TAFA1: variants seen among roughly 807,000 people sequenced by gnomAD.
The protein encoded by TAFA1 is chemokine-like protein TAFA-1.
Under a neutral mutation model 18.5 loss-of-function variants are expected in TAFA1, and 4 were observed. That is an observed-to-expected ratio of 0.22 (90% CI 0.11 to 0.49). The LOEUF is 0.49. Ranked by LOEUF, TAFA1 falls within the 20% of genes least tolerant of loss-of-function variation. TAFA1 has a pLI of 0.98. For missense variants in TAFA1, 147 were observed against 169.0 expected (o/e 0.87, Z 0.72); for synonymous variants, 56 against 55.2 (o/e 1.01, Z -0.06).
chr3:68,042,229 AAACT>A (rs1393700853), intron 2 of TAFA1, among the ~76,000 whole-genome samples: 8 of 139,126 alleles, frequency 5.8e-5, no homozygotes, highest in African/African-American at 2.2e-4. Context: ...TATATTTGGG[AAACT>A]AAACAATATA....
intron 2 of TAFA1, among the ~76,000 whole-genome samples, chr3:68,016,548 G>A (rs1704574184): frequency 6.6e-6 from 1 of 152,156 alleles, no homozygotes; most frequent in South Asian, 2.1e-4. Context: ...GTGCTATACA[G>A]CTTGTAGCTT....
intron 2 of TAFA1, among the ~76,000 whole-genome samples, chr3:68,282,233 G>A (rs770099329): frequency 2.0e-5 from 3 of 152,164 alleles, no homozygotes; most frequent in Non-Finnish European, 4.4e-5. Flanking sequence ...AAATCAAGAT[G>A]AGATTTGGGT....
intron 2 of TAFA1, among the ~76,000 whole-genome samples, chr3:68,414,847 G>T (rs1047282226): frequency 6.6e-6 from 1 of 152,176 alleles, no homozygotes; most frequent in Non-Finnish European, 1.5e-5. Context: ...CATCCTGAGA[G>T]CTTTCATGTG....
At chr3:68,147,017 ATATGTGTG>A (rs1213237303) in intron 2 of TAFA1, among the ~76,000 whole-genome samples, 1 of 146,768 alleles carries the variant, frequency 6.8e-6, no homozygotes, top group Admixed American at 6.7e-5. Flanking sequence ...GTGTATATAT[ATATGTGTG>A]TGTGTGTGTG....
At chr3:68,260,381 A>T (rs1288220021) in intron 2 of TAFA1, among the ~76,000 whole-genome samples, 1 of 152,058 alleles carries the variant, frequency 6.6e-6, no homozygotes, top group African/African-American at 2.4e-5. Flanking sequence ...TTCATCAAGG[A>T]TATTGGTCTA....
intron 2 of TAFA1, among the ~76,000 whole-genome samples, chr3:68,370,286 CAAAAAAAAAAAAAAAA>C (rs71618234): frequency 2.8e-4 from 3 of 10,852 alleles, no homozygotes; most frequent in South Asian, 9.1e-3. Flanking sequence ...GACCCCATCT[CAAAAAAAAAAAAAAAA>C]AAAAAAAAAA....
At chr3:68,033,615 G>T (rs1187145609) in intron 2 of TAFA1, among the ~76,000 whole-genome samples, 1 of 152,056 alleles carries the variant, frequency 6.6e-6, no homozygotes, top group African/African-American at 2.4e-5. Flanking sequence ...ATATCAGTTT[G>T]TGATTTTCTG....
At chr3:68,477,938 A>T (rs980083175) in intron 3 of TAFA1, among the ~76,000 whole-genome samples, 2 of 152,200 alleles carry the variant, frequency 1.3e-5, no homozygotes, top group African/African-American at 2.4e-5. Flanking sequence ...ATCATCAGTA[A>T]CACAGAAATA....
chr3:68,087,308 TA>T (rs2064982209), intron 2 of TAFA1, among the ~76,000 whole-genome samples: 1 of 152,184 alleles, frequency 6.6e-6, no homozygotes, highest in Non-Finnish European at 1.5e-5. Context: ...AGATAATTAC[TA>T]TCAATATTTT....
intron 2 of TAFA1, among the ~76,000 whole-genome samples, chr3:68,041,093 A>G (rs1456629683): frequency 6.6e-6 from 1 of 152,238 alleles, no homozygotes; most frequent in Non-Finnish European, 1.5e-5. Context: ...TCTTATTTGC[A>G]ATTAATATGG....
intron 2 of TAFA1, among the ~76,000 whole-genome samples, chr3:68,191,058 G>A (rs1276505492): frequency 2.0e-5 from 3 of 151,756 alleles, no homozygotes; most frequent in Non-Finnish European, 4.4e-5. Flanking sequence ...CTGGTCTTGG[G>A]TGGGGACTTA....
chr3:68,534,328 G>A (rs1000708880), intron 3 of TAFA1, among the ~76,000 whole-genome samples: 2 of 152,114 alleles, frequency 1.3e-5, no homozygotes, highest in Non-Finnish European at 2.9e-5. Context: ...CCTGTTCCAA[G>A]CCCCTATTCT....
intron 3 of TAFA1, among the ~76,000 whole-genome samples, chr3:68,499,464 T>TTTTA (rs891552080): frequency 6.9e-6 from 1 of 144,560 alleles, no homozygotes; most frequent in Non-Finnish European, 1.5e-5. Flanking sequence ...TTTTTTTTTT[T>TTTTA]GAGAAGACAT....
chr3:68,329,016 G>A (rs955279656), intron 2 of TAFA1, among the ~76,000 whole-genome samples: 1 of 151,290 alleles, frequency 6.6e-6, no homozygotes, highest in Non-Finnish European at 1.5e-5. Flanking sequence ...TAAGCACTGT[G>A]ATTCTATCTG....
At chr3:68,175,198 G>T (rs554729028) in intron 2 of TAFA1, among the ~76,000 whole-genome samples, 9 of 152,354 alleles carry the variant, frequency 5.9e-5, no homozygotes, top group African/African-American at 2.2e-4. Flanking sequence ...GGGCCCTCAT[G>T]CAGAACCTCT....
At chr3:68,475,303 T>C (rs1017253623) in intron 3 of TAFA1, among the ~76,000 whole-genome samples, 1 of 151,680 alleles carries the variant, frequency 6.6e-6, no homozygotes. Context: ...ATGCTATCCC[T>C]CCCCCATCCC....
At chr3:68,084,224 A>G (rs1196585102) in intron 2 of TAFA1, among the ~76,000 whole-genome samples, 1 of 152,194 alleles carries the variant, frequency 6.6e-6, no homozygotes, top group Non-Finnish European at 1.5e-5. Flanking sequence ...GCACCTCTTT[A>G]GTGGAGTTGT....
intron 3 of TAFA1, among the ~76,000 whole-genome samples, chr3:68,422,664 T>A (rs2070977323): frequency 6.6e-6 from 1 of 152,088 alleles, no homozygotes; most frequent in South Asian, 2.1e-4. Context: ...AAATTTTAAG[T>A]GGTGATCTTT....
At chr3:68,206,522 C>T (rs535733672) in intron 2 of TAFA1, among the ~76,000 whole-genome samples, 2 of 151,828 alleles carry the variant, frequency 1.3e-5, no homozygotes, top group African/African-American at 4.8e-5. Context: ...TCAATTTAAA[C>T]GGCTTAAGTA....
Sources: allele counts gnomAD v4.1 joint callset (sites outside exome capture counted in the v4.1 genomes callset), GRCh38; gene constraint gnomAD v4.1.1; transcripts MANE v1.5; gene names NCBI Gene and HGNC (gene_info 2026-07-23, HGNC 2026-07-21).